The following SPATA31H1 variants were observed in gnomAD, a reference collection of about 807,000 sequenced individuals.
SPATA31H1 encodes spermatogenesis-associated protein 31H1.
the SPATA31H1 span, among the ~76,000 whole-genome samples, chr2:27,556,555 C>A: frequency 6.6e-6 from 1 of 151,458 alleles, no homozygotes; most frequent in Non-Finnish European, 1.5e-5. Flanking sequence ...TGTGTCTAAT[C>A]TGTACCCCTT....
the SPATA31H1 span, chr2:27,582,266 G>T: frequency 6.2e-7 from 1 of 1,614,130 alleles, no homozygotes; most frequent in South Asian, 1.1e-5. Context: ...GGACCTCTGA[G>T]AGGAGCCATC....
chr2:27,563,178 C>T, the SPATA31H1 span, among the ~76,000 whole-genome samples: 3 of 151,704 alleles, frequency 2.0e-5, no homozygotes, highest in African/African-American at 7.3e-5. Flanking sequence ...ATTCAGAAAC[C>T]TTGGTGAATT....
At chr2:27,580,701 G>C in the SPATA31H1 span, 1 of 1,614,188 alleles carries the variant, frequency 6.2e-7, no homozygotes, top group South Asian at 1.1e-5. Flanking sequence ...GAAGCCTGTG[G>C]ACGGGACAAG....
At chr2:27,538,137 A>G in the SPATA31H1 span, among the ~76,000 whole-genome samples, 1 of 152,226 alleles carries the variant, frequency 6.6e-6, no homozygotes, top group Non-Finnish European at 1.5e-5. Flanking sequence ...ACAAGTTAAC[A>G]GAGGTCACAC....
At chr2:27,580,060 G>C in the SPATA31H1 span, 1 of 1,614,114 alleles carries the variant, frequency 6.2e-7, no homozygotes, top group Non-Finnish European at 8.5e-7. Flanking sequence ...GGTGAGGTTC[G>C]GTTGCATCTT....
At chr2:27,578,268 A>G in the SPATA31H1 span, 5 of 1,614,190 alleles carry the variant, frequency 3.1e-6, no homozygotes, top group Non-Finnish European at 4.2e-6. Flanking sequence ...TGTGAAATCT[A>G]CAAAATTAAT....
At chr2:27,565,169 T>G in the SPATA31H1 span, among the ~76,000 whole-genome samples, 1 of 152,190 alleles carries the variant, frequency 6.6e-6, no homozygotes, top group East Asian at 1.9e-4. Flanking sequence ...TCCCTGATAT[T>G]TATATGTTTG....
the SPATA31H1 span, among the ~76,000 whole-genome samples, chr2:27,562,755 T>A: frequency 2.6e-5 from 4 of 151,256 alleles, no homozygotes; most frequent in Non-Finnish European, 5.9e-5. Context: ...GGCCTGGTGG[T>A]GCGCACATGT....
chr2:27,569,481 C>A, the SPATA31H1 span: 220 of 398,812 alleles, frequency 5.5e-4, no homozygotes, highest in Non-Finnish European at 8.7e-4. Flanking sequence ...GCCACTACTG[C>A]AAAATTTGAA....
chr2:27,550,897 CT>C, the SPATA31H1 span, among the ~76,000 whole-genome samples: 24 of 147,042 alleles, frequency 1.6e-4, no homozygotes, highest in Admixed American at 4.1e-4. Flanking sequence ...TCTTTTTCTT[CT>C]TTTTTTTTTG....
chr2:27,577,703 A>G, the SPATA31H1 span: 1 of 1,613,968 alleles, frequency 6.2e-7, no homozygotes, highest in Non-Finnish European at 8.5e-7. This position sits in a 1 kb window ranked among gnomAD's most constrained non-coding sequence, Gnocchi z 4.5. Context: ...AAACTTTGCA[A>G]TTAACCCCCA....
At chr2:27,542,547 G>C in the SPATA31H1 span, among the ~76,000 whole-genome samples, 1 of 151,762 alleles carries the variant, frequency 6.6e-6, no homozygotes, top group Admixed American at 6.6e-5. Flanking sequence ...TGATATAGAT[G>C]ATATTCCATC....
the SPATA31H1 span, chr2:27,579,828 C>G: frequency 1.9e-6 from 3 of 1,614,202 alleles, no homozygotes; most frequent in Non-Finnish European, 2.5e-6. Flanking sequence ...GTTCCAGTTG[C>G]TAGAAGATCT....
the SPATA31H1 span, among the ~76,000 whole-genome samples, chr2:27,539,107 T>C: frequency 1.8e-4 from 12 of 67,440 alleles, no homozygotes; most frequent in African/African-American, 3.1e-4. Context: ...TTTTCTTTTT[T>C]TTTTTTTTTT....
At chr2:27,542,389 T>C in the SPATA31H1 span, among the ~76,000 whole-genome samples, 1 of 151,910 alleles carries the variant, frequency 6.6e-6, no homozygotes, top group Non-Finnish European at 1.5e-5. Context: ...AGAGTGAGAC[T>C]GTCTCAAAAA....
At chr2:27,546,984 G>C in the SPATA31H1 span, among the ~76,000 whole-genome samples, 1 of 151,846 alleles carries the variant, frequency 6.6e-6, no homozygotes, top group Non-Finnish European at 1.5e-5. Context: ...TTATTGAAAA[G>C]ACCATCCTAT....
the SPATA31H1 span, chr2:27,580,090 G>A: frequency 1.2e-6 from 2 of 1,614,074 alleles, no homozygotes; most frequent in Non-Finnish European, 1.7e-6. Context: ...CTGAGAATTG[G>A]GAAAAGATCC....
the SPATA31H1 span, among the ~76,000 whole-genome samples, chr2:27,538,897 T>C: frequency 6.6e-6 from 1 of 151,730 alleles, no homozygotes; most frequent in Non-Finnish European, 1.5e-5. Flanking sequence ...CCTACCCCCA[T>C]TTCCACTCCT....
the SPATA31H1 span, chr2:27,578,049 C>A: frequency 1.2e-6 from 2 of 1,614,156 alleles, no homozygotes; most frequent in South Asian, 2.2e-5. Context: ...AAGGACACAG[C>A]TTCAAGTTGC....
Sources: allele counts gnomAD v4.1 joint callset (sites outside exome capture counted in the v4.1 genomes callset), GRCh38; gene constraint gnomAD v4.1.1; non-coding constraint Gnocchi (gnomAD v3.1); transcripts MANE v1.5; gene names NCBI Gene and HGNC (gene_info 2026-07-23, HGNC 2026-07-21).